UTRN: variants seen among roughly 807,000 people sequenced by gnomAD.
UTRN encodes utrophin.
In UTRN, 283 loss-of-function variants were observed where a neutral mutation model predicts 463.9. That is an observed-to-expected ratio of 0.61 (90% CI 0.55 to 0.67). The LOEUF (loss-of-function observed/expected upper bound fraction) is 0.67, where lower values mean the gene tolerates loss of function less well. UTRN is among the 30% of genes least tolerant of loss of function. UTRN has a pLI of 0.00. For synonymous variants in UTRN, 1,442 were observed against 1,431.5 expected, an observed-to-expected ratio of 1.01 and a Z score of -0.17; for missense variants, 3,922 against 4,084.3, an observed-to-expected ratio of 0.96 and a Z score of 1.08.
chr6:144,439,084 G>A (rs115509390), intron 12 of UTRN, among the ~76,000 whole-genome samples, 189 bp downstream of exon 12: 2,052 of 152,254 alleles, frequency 0.013, 43 homozygotes, highest in African/African-American at 0.047. Flanking sequence ...AAAAGGGCAC[G>A]GTAAAATTTT....
intron 54 of UTRN, among the ~76,000 whole-genome samples, chr6:144,732,646 A>G (rs1005964164): frequency 2.7e-5 from 4 of 149,710 alleles, no homozygotes; most frequent in African/African-American, 9.9e-5. Flanking sequence ...TTATTGTTTC[A>G]TTTTATGTCA....
rs112772326 is a variant in UTRN, at chr6:144,332,898, T to G, written c.79+40991T>G. On this transcript the variant is annotated intron_variant, in intron 2 of 74. Transcript: ENST00000367545. The stretch of plus-strand genomic sequence containing the variant: ...AATCAGTAATGTTCTCATGCTGATA[T>G]TAACCTTTTATTTATTTATTTATTT... Among the ~76,000 whole-genome samples, 689 of 150,222 alleles carry G rather than the reference T, an allele frequency of 4.6e-3. 6 individuals carry two copies. The highest frequency in any genetic ancestry group is 0.015 in the African/African-American group (627 of 40,588).
At chr6:144,403,268 C>T in intron 3 of UTRN, 84 bp downstream of exon 3, 2 of 1,247,440 alleles carry the variant, frequency 1.6e-6, no homozygotes, top group Non-Finnish European at 1.2e-6. Flanking sequence ...GTGAATTTTC[C>T]CCAGGAAATG....
At chr6:144,327,893 G>A (rs1414893243) in intron 2 of UTRN, among the ~76,000 whole-genome samples, 10 of 151,366 alleles carry the variant, frequency 6.6e-5, no homozygotes, top group African/African-American at 2.2e-4. Flanking sequence ...GCAGTGAGCC[G>A]AGATCACACC....
At chr6:144,513,350 A>G (rs1795340154) in intron 35 of UTRN, among the ~76,000 whole-genome samples, 1 of 152,154 alleles carries the variant, frequency 6.6e-6, no homozygotes, top group South Asian at 2.1e-4. Flanking sequence ...CAAGAGATCA[A>G]GACTTCCTGG....
chr6:144,592,259 T>A (rs886925684), intron 51 of UTRN, among the ~76,000 whole-genome samples: 3 of 152,226 alleles, frequency 2.0e-5, no homozygotes, highest in African/African-American at 7.2e-5. Context: ...GATAAATAAT[T>A]CTATGATCCT....
intron 51 of UTRN, among the ~76,000 whole-genome samples, chr6:144,609,579 G>A (rs1248017016): frequency 3.3e-5 from 5 of 152,118 alleles, no homozygotes; most frequent in African/African-American, 4.8e-5. Context: ...TTGCAGTATA[G>A]ACCAAATAGA....
intron 2 of UTRN, among the ~76,000 whole-genome samples, chr6:144,353,242 G>A (rs1263885948): frequency 6.6e-6 from 1 of 152,020 alleles, no homozygotes; most frequent in Non-Finnish European, 1.5e-5. Context: ...AGCCTCCCGA[G>A]TAGCTGGGAC....
Position 144,827,594 on chromosome 6 carries a change from G to T in UTRN, c.9534-17G>T. ...TATTTGGGCATAAAATTATTGCTTT[G>T]TTTTTTTCTTTTAAAGCCCCTCACA... On this transcript the variant is annotated splice_polypyrimidine_tract_variant and intron_variant, in intron 67 of 74. Transcript: ENST00000367545. 6.2e-7 allele frequency: 1 copy of T among 1,612,872 alleles called. No homozygotes were observed. The highest frequency in any genetic ancestry group is 1.1e-5 in the South Asian group (1 of 90,964).
At chr6:144,664,291 G>A (rs189235283) in intron 51 of UTRN, among the ~76,000 whole-genome samples, 1 of 152,320 alleles carries the variant, frequency 6.6e-6, no homozygotes. Context: ...TGGGTCAGAA[G>A]TTGAGAAGCT....
intron 51 of UTRN, among the ~76,000 whole-genome samples, chr6:144,604,834 G>C (rs1442758587): frequency 1.3e-5 from 2 of 152,150 alleles, no homozygotes; most frequent in Non-Finnish European, 2.9e-5. Context: ...AGAATCACTT[G>C]AACGCGGGAG....
chr6:144,526,470 A>G (rs975709314), intron 41 of UTRN, among the ~76,000 whole-genome samples: 4 of 152,100 alleles, frequency 2.6e-5, no homozygotes, highest in African/African-American at 7.2e-5. Context: ...TTGCTTTAAA[A>G]TTTATTTTGT....
At chr6:144,519,845 T>G (rs1256118168) in intron 39 of UTRN, among the ~76,000 whole-genome samples, 11 of 152,232 alleles carry the variant, frequency 7.2e-5, no homozygotes, top group Admixed American at 7.2e-4. Context: ...CAGGTACACG[T>G]GGTCTTGCAG....
At chr6:144,793,613 G>A (rs1020378438) in intron 62 of UTRN, among the ~76,000 whole-genome samples, 5 of 152,064 alleles carry the variant, frequency 3.3e-5, no homozygotes, top group Admixed American at 6.5e-5. Context: ...TTGCAGGAAC[G>A]GGTTAACTAC....
Position 144,757,958 on chromosome 6 carries a change from A to G in UTRN, c.8464A>G (p.Ile2822Val), listed in dbSNP as rs141004724. The G allele has an allele frequency of 7.3e-5, 117 of 1,611,150 alleles. No individual in the cohort carries two copies. Among genetic ancestry groups the G allele is most frequent in the Non-Finnish European group, 9.5e-5 (112 of 1,178,406 alleles). ...AGTCCAGCTGCCGTGGCAAAGATCC[A>G]TTTCACATAATAAAGTGCCCTATTA... ...TSVQLPWQRS[I>V]SHNKVPYYIN... The change falls in exon 58 of 75, where the codon ATT becomes GTT. Residue 2822 changes from isoleucine (I) to valine (V), a missense_variant. By Grantham distance (29) the Ile-to-Val change is conservative. Transcript: ENST00000367545.
chr6:144,774,409 GT>G (rs10650309), intron 60 of UTRN, 45 bp downstream of exon 60: 73,279 of 1,246,796 alleles, frequency 0.059, 501 homozygotes, highest in South Asian at 0.065. Context: ...CTTGAATTGC[GT>G]TTTTTTTTTT....
chr6:144,835,859 G>C lies in UTRN; in HGVS notation c.9745G>C (p.Ala3249Pro). Residue 3249 changes from alanine to proline, a missense_variant, in exon 70 of 75, where the codon GCT (alanine) becomes CCT (proline). By Grantham distance (27) the Ala-to-Pro change is conservative (BLOSUM62 -1). Transcript: ENST00000367545. The part of the protein sequence containing the change: ...ESPVSQPQSP[A>P]QILKSVEREE... ...CCCAGTGAGCCAGCCGCAGAGCCCA[G>C]CTCAGATCCTGAAGTCAGTAGAGAG... 2 of 1,614,140 alleles carry C rather than the reference G, an allele frequency of 1.2e-6. No individual in the cohort carries two copies. The highest frequency in any genetic ancestry group is 8.5e-7 in the Non-Finnish European group (1 of 1,179,992).
At chr6:144,501,087 G>C (rs1308482908) in intron 34 of UTRN, among the ~76,000 whole-genome samples, 1 of 152,146 alleles carries the variant, frequency 6.6e-6, no homozygotes, top group Non-Finnish European at 1.5e-5. Flanking sequence ...ACAGCTGGGA[G>C]AAAGTTAAGA....
intron 2 of UTRN, among the ~76,000 whole-genome samples, chr6:144,373,507 G>A (rs1043582670): frequency 6.6e-6 from 1 of 152,184 alleles, no homozygotes; most frequent in Non-Finnish European, 1.5e-5. Context: ...GGTTTATTAG[G>A]GCTCAGAGGC....
Sources: allele counts gnomAD v4.1 joint callset (sites outside exome capture counted in the v4.1 genomes callset), GRCh38; gene constraint gnomAD v4.1.1; transcripts MANE v1.5; gene names NCBI Gene and HGNC (gene_info 2026-07-23, HGNC 2026-07-21).